BASP1: variants seen among roughly 807,000 people sequenced by gnomAD.
The protein encoded by BASP1 is brain abundant membrane attached signal protein 1, also known as brain acid soluble protein 1.
BASP1 carries 1 observed loss-of-function variant against 2.2 expected under a neutral mutation model. The ratio of observed to expected loss-of-function variants is 0.46; its 90% CI spans 0.16 to 2.17. BASP1 has a LOEUF of 2.17. Among genes scored for constraint, BASP1 ranks in the 30% most tolerant of loss-of-function variants. BASP1 has a pLI of 0.27. For synonymous variants in BASP1, 187 were observed against 154.2 expected, an observed-to-expected ratio of 1.21 and a Z score of -1.58; for missense variants, 352 against 327.2, an observed-to-expected ratio of 1.08 and a Z score of -0.58.
At chr5:17,239,352 C>G (rs886831621) in intron 1 of BASP1, among the ~76,000 whole-genome samples, 2 of 152,194 alleles carry the variant, frequency 1.3e-5, no homozygotes, top group Non-Finnish European at 2.9e-5. Context: ...CTCAGCCTCC[C>G]AAAGTGCGGG....
At chr5:17,270,164 C>T (rs538161726) in intron 1 of BASP1, among the ~76,000 whole-genome samples, 250 of 152,160 alleles carry the variant, frequency 1.6e-3, no homozygotes, top group African/African-American at 5.6e-3. Context: ...CCACATCTGG[C>T]TAATTTTGTA....
chr5:17,243,570 A>G (rs546068919), intron 1 of BASP1, among the ~76,000 whole-genome samples: 2 of 152,278 alleles, frequency 1.3e-5, no homozygotes, highest in Non-Finnish European at 1.5e-5. Flanking sequence ...ATGTCTCCAT[A>G]AGGGTTGGCT....
intron 1 of BASP1, among the ~76,000 whole-genome samples, chr5:17,221,675 A>C (rs1242584652): frequency 6.6e-6 from 1 of 152,188 alleles, no homozygotes; most frequent in Non-Finnish European, 1.5e-5. Flanking sequence ...ATTATATCTA[A>C]TCCTTTAAAT....
intron 1 of BASP1, among the ~76,000 whole-genome samples, chr5:17,262,496 A>G (rs1024929663): frequency 1.3e-5 from 2 of 152,224 alleles, no homozygotes; most frequent in African/African-American, 4.8e-5. Flanking sequence ...TAAAGTGGGG[A>G]TAGTAATAAT....
Position 17,251,483 on chromosome 5 carries a change from C to T in BASP1, c.-9-23725C>T, listed in dbSNP as rs142378875. On this transcript the variant is annotated intron_variant, in intron 1 of 1. Coordinates refer to ENST00000322611, the MANE Select transcript of BASP1 (RefSeq NM_006317.5). This position sits in a 1 kb window ranked among gnomAD's most constrained non-coding sequence, Gnocchi z 4.0. ...ATTTCAGACTCATCTCTCAGCTCTT[C>T]CTTCCACAGTGTTGGTTTCTGTGGA... Among the ~76,000 whole-genome samples the T allele has an allele frequency of 1.7e-3, 262 of 152,312 alleles. No homozygotes were observed. The highest frequency in any genetic ancestry group is 3.0e-3 in the Non-Finnish European group (201 of 68,030).
intron 1 of BASP1, among the ~76,000 whole-genome samples, chr5:17,223,489 C>G (rs1012805229): frequency 2.0e-5 from 3 of 152,112 alleles, no homozygotes; most frequent in African/African-American, 7.2e-5. Context: ...GTGCCTTGCT[C>G]AGTAGGTAGA....
At chr5:17,242,055 G>A (rs1739873597) in intron 1 of BASP1, among the ~76,000 whole-genome samples, 2 of 152,166 alleles carry the variant, frequency 1.3e-5, no homozygotes, top group South Asian at 4.1e-4. Flanking sequence ...CGTCTATTCT[G>A]TATGCTTTCT....
intron 1 of BASP1, among the ~76,000 whole-genome samples, chr5:17,267,151 A>G (rs1160172403): frequency 2.0e-5 from 3 of 152,254 alleles, no homozygotes; most frequent in Non-Finnish European, 4.4e-5. Flanking sequence ...ATAAAAGGAA[A>G]AGATGGTTTG....
At chr5:17,223,948 A>G (rs1739439444) in intron 1 of BASP1, among the ~76,000 whole-genome samples, 1 of 152,234 alleles carries the variant, frequency 6.6e-6, no homozygotes, top group Non-Finnish European at 1.5e-5. Flanking sequence ...CCATACCTGG[A>G]GTAAAACTGA....
chr5:17,255,925 T>C (rs559039066), intron 1 of BASP1, among the ~76,000 whole-genome samples: 43 of 152,314 alleles, frequency 2.8e-4, no homozygotes, highest in African/African-American at 1.0e-3. Flanking sequence ...GGTTTCTAGA[T>C]AGGGAACTCA....
At chr5:17,234,652 T>A (rs1739706741) in intron 1 of BASP1, among the ~76,000 whole-genome samples, 1 of 152,242 alleles carries the variant, frequency 6.6e-6, no homozygotes, top group Admixed American at 6.5e-5. Context: ...GTTTGTTTAT[T>A]GATGGAGTTG....
intron 1 of BASP1, among the ~76,000 whole-genome samples, chr5:17,237,312 C>G (rs1419595323): frequency 6.6e-6 from 1 of 151,980 alleles, no homozygotes; most frequent in African/African-American, 2.4e-5. Flanking sequence ...CCACTGCACT[C>G]CAGCCTGGGC....
intron 1 of BASP1, among the ~76,000 whole-genome samples, chr5:17,233,616 T>G (rs1739679976): frequency 6.6e-6 from 1 of 152,214 alleles, no homozygotes; most frequent in African/African-American, 2.4e-5. Context: ...ATGTTTTGTT[T>G]GGAAGCCTTG....
In BASP1 at chr5:17,275,616, GC is replaced by G; in HGVS notation, c.404del (p.Pro135LeufsTer89). 6.8e-7 allele frequency: 1 copy of G among 1,474,114 alleles called. No homozygotes were observed. Among genetic ancestry groups the G allele is most frequent in the South Asian group, 1.4e-5 (1 of 73,896 alleles). 91.3% of individuals were successfully genotyped at this position (1,474,114 alleles called of 1,614,324 possible). On this transcript the variant is annotated frameshift_variant, in exon 2 of 2. Coordinates refer to ENST00000322611, the MANE Select transcript of BASP1 (RefSeq NM_006317.5). LOFTEE classifies it high-confidence loss of function. This position sits in a 1 kb window ranked among gnomAD's most constrained non-coding sequence, Gnocchi z 5.3. ...CGCCGCGGCCCCGGCCGAGAGCGCG[GC>G]CCCTGCCGCCGGGGAGGAGCCCAGC... ...EAAAAPAESAAPAAGEEPSKE... is the reference protein window; with the variant it reads ...EAAAAPAESAXPAAGEEPSKE...
At chr5:17,223,341 C>T (rs907448572) in intron 1 of BASP1, among the ~76,000 whole-genome samples, 10 of 152,164 alleles carry the variant, frequency 6.6e-5, no homozygotes, top group African/African-American at 2.4e-4. Flanking sequence ...TTGTCATGCA[C>T]TTAGGACAAT....
rs958040362 is a variant in BASP1, at chr5:17,241,546, G to A, written c.-10+23736G>A. 2.6e-5 allele frequency among the ~76,000 whole-genome samples: 4 copies of A among 152,216 alleles called. No individual in the cohort carries two copies. In the East Asian group the frequency reaches 7.7e-4, roughly 29 times the overall value. ...CAGAACATCTTAGTTCATGTTGCAT[G>A]TCTCTCATTTGCTGGAAGCATATCA... is the stretch of plus-strand genomic sequence containing the variant. On this transcript the variant is annotated intron_variant, in intron 1 of 1. Transcript: ENST00000322611.
At chr5:17,256,033 T>C (rs1464639327) in intron 1 of BASP1, among the ~76,000 whole-genome samples, 1 of 152,172 alleles carries the variant, frequency 6.6e-6, no homozygotes, top group Non-Finnish European at 1.5e-5. Context: ...AATCTTGAGG[T>C]GTCCTCTTGT....
intron 1 of BASP1, among the ~76,000 whole-genome samples, chr5:17,250,766 G>A (rs958999470): frequency 6.6e-6 from 1 of 152,012 alleles, no homozygotes; most frequent in Non-Finnish European, 1.5e-5. Flanking sequence ...CACCATGCCC[G>A]GCTAATTTGT....
At chr5:17,218,579 G>T (rs1485505279) in intron 1 of BASP1, among the ~76,000 whole-genome samples, 30 of 152,200 alleles carry the variant, frequency 2.0e-4, no homozygotes, top group Admixed American at 1.9e-3. Flanking sequence ...AGGCGCCTCC[G>T]CCCTGGGTCC....
Sources: gnomAD v4.1 joint callset for allele counts (sites outside exome capture counted in the v4.1 genomes callset) on GRCh38, gnomAD v4.1.1 for gene constraint, Gnocchi (gnomAD v3.1) non-coding constraint, MANE v1.5 for transcripts, NCBI Gene and HGNC (gene_info 2026-07-23, HGNC 2026-07-21) for gene names.